The following SH3GL3 variants were observed in gnomAD, a reference collection of about 807,000 sequenced individuals.
The protein encoded by SH3GL3 is SH3 domain containing GRB2 like 3, endophilin A3.
SH3GL3 carries 33 observed loss-of-function variants against 47.7 expected under a neutral mutation model. The observed-to-expected ratio is 0.69, with a 90% CI of 0.52 to 0.92. SH3GL3 has a LOEUF of 0.92. Ranked by LOEUF, SH3GL3 falls within the 40% of genes least tolerant of loss-of-function variation. SH3GL3 has a pLI of 0.00. For missense variants in SH3GL3, 363 were observed against 417.8 expected (o/e 0.87, Z 1.14); for synonymous variants, 155 against 148.8 (o/e 1.04, Z -0.30).
chr15:83,548,620 T>C (rs2151717832), intron 1 of SH3GL3, among the ~76,000 whole-genome samples: 1 of 152,240 alleles, frequency 6.6e-6, no homozygotes, highest in East Asian at 1.9e-4. Flanking sequence ...TTTAAAGATG[T>C]GATTTCATTG....
chr15:83,471,568 A>G (rs1050714835), intron 1 of SH3GL3, among the ~76,000 whole-genome samples: 3 of 152,242 alleles, frequency 2.0e-5, no homozygotes, highest in Non-Finnish European at 4.4e-5. Context: ...GCTGTAGCCA[A>G]TCCAGTGATT....
At chr15:83,498,988 C>G (rs1221772216) in intron 1 of SH3GL3, among the ~76,000 whole-genome samples, 1 of 152,174 alleles carries the variant, frequency 6.6e-6, no homozygotes, top group Admixed American at 6.5e-5. Context: ...CTATTGTCCT[C>G]CTGGTGTTTT....
chr15:83,604,699 C>T (rs1393446799), intron 8 of SH3GL3, among the ~76,000 whole-genome samples: 1 of 152,166 alleles, frequency 6.6e-6, no homozygotes, highest in Non-Finnish European at 1.5e-5. Context: ...ACTTTGTATA[C>T]ATCTCTAGTA....
At chr15:83,464,988 TATA>T (rs143393694) in intron 1 of SH3GL3, among the ~76,000 whole-genome samples, 14,497 of 141,352 alleles carry the variant, frequency 0.1, 874 homozygotes, top group East Asian at 0.28. Context: ...GAACTTAAAG[TATA>T]ATAATAATAA....
intron 1 of SH3GL3, among the ~76,000 whole-genome samples, chr15:83,540,715 T>C (rs1253664753): frequency 1.3e-5 from 2 of 152,156 alleles, no homozygotes; most frequent in Non-Finnish European, 2.9e-5. Flanking sequence ...GTAAGGATTA[T>C]TACAATGTGT....
chr15:83,451,069 T>A (rs1220004295), intron 1 of SH3GL3, among the ~76,000 whole-genome samples: 1 of 108,642 alleles, frequency 9.2e-6, no homozygotes, highest in African/African-American at 3.5e-5. Context: ...GGTTTTTTGT[T>A]CTTGCGATAG....
At chr15:83,573,614 C>A (rs1225094103) in intron 5 of SH3GL3, among the ~76,000 whole-genome samples, 9 of 152,352 alleles carry the variant, frequency 5.9e-5, no homozygotes, top group Non-Finnish European at 1.2e-4. Context: ...CCCCACTGGT[C>A]TAGCCTATGT....
intron 1 of SH3GL3, among the ~76,000 whole-genome samples, chr15:83,494,014 C>T (rs560144833): frequency 1.1e-3 from 172 of 152,338 alleles, no homozygotes; most frequent in Non-Finnish European, 2.0e-3. Flanking sequence ...GTTCAGTTCT[C>T]AGGGAGAGAG....
Position 83,568,598 on chromosome 15 carries a change from A to G in SH3GL3, c.257A>G (p.Tyr86Cys), listed in dbSNP as rs373653306. 2 of 1,613,184 alleles carry G rather than the reference A, an allele frequency of 1.2e-6. No homozygotes were observed. Among genetic ancestry groups the G allele is most frequent in the Admixed American group, 3.3e-5 (2 of 60,004 alleles). The change falls in exon 4 of 9, where the codon TAC becomes TGC. Residue 86 changes from tyrosine to cysteine, a missense_variant. Transcript: ENST00000427482. ...KIRGQVKTTG[Y>C]PQTEGLLGDC... is the part of the protein sequence containing the mutation. ...CGAGGGCAGGTGAAGACCACAGGAT[A>G]CCCGCAGACGGAAGGCTTGCTGGGG...
At chr15:83,459,135 C>T (rs1404094723) in intron 1 of SH3GL3, among the ~76,000 whole-genome samples, 4 of 152,200 alleles carry the variant, frequency 2.6e-5, no homozygotes, top group Non-Finnish European at 5.9e-5. Flanking sequence ...GCATCCAGCA[C>T]GGGAGAAAGA....
At chr15:83,596,032 C>T (rs1418846467) in intron 8 of SH3GL3, among the ~76,000 whole-genome samples, 1 of 152,110 alleles carries the variant, frequency 6.6e-6, no homozygotes, top group Non-Finnish European at 1.5e-5. Flanking sequence ...CCCTAAGTAC[C>T]ACTTGAGCAC....
chr15:83,504,419 C>G (rs887051775), intron 1 of SH3GL3, among the ~76,000 whole-genome samples: 3 of 152,208 alleles, frequency 2.0e-5, no homozygotes, highest in African/African-American at 7.2e-5. Flanking sequence ...CCAAGGTGGG[C>G]CAGTGCGACC....
chr15:83,497,393 GC>G (rs2042124737), intron 1 of SH3GL3, among the ~76,000 whole-genome samples: 1 of 152,030 alleles, frequency 6.6e-6, no homozygotes, highest in Non-Finnish European at 1.5e-5. Flanking sequence ...CTTCTTCCAC[GC>G]CCCCCTTCTC....
chr15:83,473,794 G>A (rs1294888656), intron 1 of SH3GL3, among the ~76,000 whole-genome samples: 1 of 151,298 alleles, frequency 6.6e-6, no homozygotes, highest in African/African-American at 2.4e-5. Flanking sequence ...TGATCTGCCC[G>A]CCTGGGCCTC....
At chr15:83,487,530 A>G (rs1310810105) in intron 1 of SH3GL3, among the ~76,000 whole-genome samples, 2 of 152,122 alleles carry the variant, frequency 1.3e-5, no homozygotes, top group Non-Finnish European at 2.9e-5. Context: ...CAATAAATCT[A>G]TGTGCAAGAA....
intron 1 of SH3GL3, among the ~76,000 whole-genome samples, chr15:83,546,006 C>T (rs1454047060): frequency 6.6e-6 from 1 of 152,136 alleles, no homozygotes; most frequent in Non-Finnish European, 1.5e-5. Flanking sequence ...TGGGTCTTGC[C>T]CAAGATGTAT....
At chr15:83,476,652 G>A (rs1283916887) in intron 1 of SH3GL3, among the ~76,000 whole-genome samples, 1 of 152,196 alleles carries the variant, frequency 6.6e-6, no homozygotes, top group Non-Finnish European at 1.5e-5. Flanking sequence ...TCAGATTTCA[G>A]TGTTCATACA....
the SH3GL3 span, among the ~76,000 whole-genome samples, chr15:83,623,872 G>A: frequency 6.6e-6 from 1 of 151,982 alleles, no homozygotes; most frequent in South Asian, 2.1e-4. Context: ...TGCAACCTCC[G>A]CTTCCTGGGC....
downstream of SH3GL3, among the ~76,000 whole-genome samples, chr15:83,622,575 G>A (rs145902583): frequency 2.8e-3 from 422 of 152,336 alleles, 2 homozygotes; most frequent in African/African-American, 9.7e-3. Context: ...TGAGACTTGT[G>A]TCTGTTGACA....
Sources: gnomAD v4.1 joint callset for allele counts (sites outside exome capture counted in the v4.1 genomes callset) on GRCh38, gnomAD v4.1.1 for gene constraint, MANE v1.5 for transcripts, NCBI Gene and HGNC (gene_info 2026-07-23, HGNC 2026-07-21) for gene names.